KLF11: variants seen among roughly 807,000 people sequenced by gnomAD.
KLF11 encodes the protein KLF transcription factor 11.
Under a neutral mutation model 29.9 loss-of-function variants are expected in KLF11, and 26 were observed. The observed-to-expected ratio is 0.87, with a 90% CI of 0.64 to 1.21. The LOEUF is 1.21. KLF11 is among the 50% of genes most tolerant of loss of function. KLF11 has a pLI of 0.00. For missense variants in KLF11, 778 were observed against 665.7 expected (o/e 1.17, Z -1.86); for synonymous variants, 318 against 257.4 (o/e 1.24, Z -2.25).
Position 10,048,345 on chromosome 2 carries a change from G to A in KLF11, c.1008G>A (p.Gln336=), listed in dbSNP as rs1428386222. ...QPVFVGPAVP[Q]GAVMLVLPQG... is the part of the protein sequence containing the mutation. ...TGTTCGTGGGACCTGCTGTGCCTCA[G>A]GGAGCTGTGATGTTGGTCCTGCCCC... Residue 336 remains glutamine (Q), a synonymous_variant, in exon 3 of 4, where the codon CAG becomes CAA. Coordinates refer to ENST00000305883, the MANE Select transcript of KLF11 (RefSeq NM_003597.5). 6.2e-7 allele frequency: 1 copy of A among 1,607,004 alleles called. No homozygotes were observed. Among genetic ancestry groups the A allele is most frequent in the Non-Finnish European group, 8.5e-7 (1 of 1,175,252 alleles).
intron 1 of KLF11, 126 bp from the exon 2 acceptor site, chr2:10,046,024 C>G (rs182632864): frequency 9.2e-7 from 1 of 1,087,134 alleles, no homozygotes; most frequent in Non-Finnish European, 1.4e-6. Flanking sequence ...GTGTTTGTTG[C>G]TATAGACTAT....
Position 10,046,427 on chromosome 2 carries a change from G to A in KLF11, c.312+8G>A, listed in dbSNP as rs961567546. On this transcript the variant is annotated splice_region_variant and intron_variant, in intron 2 of 3. Coordinates refer to ENST00000305883, the MANE Select transcript of KLF11 (RefSeq NM_003597.5). ...CATTCTTTATCGACTCTGGTAAGAG[G>A]AGGTGGGAGGGAGGAGCGTTTTTGT... The A allele has an allele frequency of 8.1e-6, 13 of 1,613,430 alleles. No homozygotes were observed. The highest frequency in any genetic ancestry group is 1.1e-5 in the South Asian group (1 of 91,076).
chr2:10,047,412 G>A (rs1339555772), intron 2 of KLF11, among the ~76,000 whole-genome samples: 2 of 152,220 alleles, frequency 1.3e-5, no homozygotes, highest in African/African-American at 4.8e-5. Context: ...TGGCGGCCAG[G>A]AGCTCCTCTC....
At chr2:10,044,512 G>C (rs995122968) in intron 1 of KLF11, 16 of 898,480 alleles carry the variant, frequency 1.8e-5, no homozygotes, top group Non-Finnish European at 4.0e-6. Flanking sequence ...CGCAGCCTGC[G>C]GGACAGAGGC....
chr2:10,046,035 T>C, intron 1 of KLF11, 115 bp from the exon 2 acceptor site: 1 of 1,144,800 alleles, frequency 8.7e-7, no homozygotes, highest in Middle Eastern at 2.8e-4. Flanking sequence ...TATAGACTAT[T>C]GCATGTGCAT....
At chr2:10,045,555 A>G (rs1228525593) in intron 1 of KLF11, among the ~76,000 whole-genome samples, 1 of 151,886 alleles carries the variant, frequency 6.6e-6, no homozygotes, top group Non-Finnish European at 1.5e-5. Context: ...GCTTCTTGTC[A>G]CCACCTGCTA....
At chr2:10,047,156 T>G (rs1661232780) in intron 2 of KLF11, among the ~76,000 whole-genome samples, 1 of 152,198 alleles carries the variant, frequency 6.6e-6, no homozygotes, top group Admixed American at 6.5e-5. Context: ...TTAATGTGAG[T>G]TCTGTGAGTT....
intron 3 of KLF11, 85 bp downstream of exon 3, chr2:10,048,680 G>C: frequency 9.7e-7 from 1 of 1,034,790 alleles, no homozygotes; most frequent in Non-Finnish European, 1.5e-6. Context: ...GCTGGGAGGG[G>C]ATCATGAGAA....
At position 10,046,382 on chromosome 2, in the gene KLF11, C is replaced by T. The variant is rs146264648; in HGVS notation, c.275C>T (p.Pro92Leu). ...ACTGTGCATATGGATGCAGCCACAC[C>T]TGAACTACCAAAAGACTTCCATTCT... ...TTTVHMDAATPELPKDFHSLS... is the reference protein window; with the variant it reads ...TTTVHMDAATLELPKDFHSLS... Residue 92 changes from proline (P) to leucine (L), a missense_variant, in exon 2 of 4, where the codon CCT becomes CTT. Physicochemically the swap from Pro to Leu is moderately conservative, Grantham distance 98 (BLOSUM62 -3). Transcript: ENST00000305883. The T allele has an allele frequency of 4.6e-5, 75 of 1,614,082 alleles. No individual in the cohort carries two copies. The highest frequency in any genetic ancestry group is 5.8e-5 in the Non-Finnish European group (69 of 1,180,052).
At position 10,051,678 on chromosome 2, in the gene KLF11, C is replaced by T. The variant is rs190224342; in HGVS notation, c.1259-549C>T. Among the ~76,000 whole-genome samples, 69 of 151,928 alleles carry T rather than the reference C, an allele frequency of 4.5e-4. 1 individual carries two copies. Among genetic ancestry groups the T allele is most frequent in the African/African-American group, 1.5e-3 (62 of 41,432 alleles). ...GACTACAGGTGCCCGCCACCACACC[C>T]GGCTAGTTTTTTGTATTTTTAGTAG... On this transcript the variant is annotated intron_variant, in intron 3 of 3. Coordinates refer to ENST00000305883, the MANE Select transcript of KLF11 (RefSeq NM_003597.5).
rs1661057313 is a variant in KLF11 at position 10,043,581 on chromosome 2, C to T, written c.-136C>T. On this transcript the variant is annotated 5_prime_UTR_variant, in exon 1 of 4. Coordinates refer to ENST00000305883, the MANE Select transcript of KLF11 (RefSeq NM_003597.5). ...AGGGCCGCGCCGGGGCAGAGCCGCG[C>T]GGGCGGGCGAGGCGCGTGCCGGCCG... 2.2e-6 allele frequency: 1 copy of T among 461,640 alleles called. No homozygotes were observed. Among genetic ancestry groups the T allele is most frequent in the Non-Finnish European group, 2.8e-6 (1 of 354,394 alleles). The allele number at this position is 461,640 out of a possible 1,614,324, so 28.6% of individuals were successfully genotyped here. A position where few individuals can be genotyped will look rare whatever the true frequency, so the allele number is the denominator to read the frequency against.
chr2:10,051,831 T>C (rs72786610), intron 3 of KLF11, among the ~76,000 whole-genome samples: 12,006 of 152,296 alleles, frequency 0.079, 574 homozygotes, highest in Middle Eastern at 0.21. Flanking sequence ...GCTACATTTT[T>C]AATTAATTTA....
intron 1 of KLF11, chr2:10,044,351 C>G (rs1332638506): frequency 3.3e-5 from 33 of 985,510 alleles, no homozygotes; most frequent in Non-Finnish European, 3.1e-5. Context: ...CTAAGCGTCG[C>G]GACCTGGGGG....
Position 10,043,608 on chromosome 2 carries a change from A to T in KLF11, c.-109A>T. Reference sequence around the variant, plus strand: ...GGCGGGCGAGGCGCGTGCCGGCCGCAGGAGCTCCGGGTTGCCGCCGCCGCC... The same window carrying T: ...GGCGGGCGAGGCGCGTGCCGGCCGCTGGAGCTCCGGGTTGCCGCCGCCGCC... On this transcript the variant is annotated 5_prime_UTR_variant, in exon 1 of 4. Transcript: ENST00000305883. 3 of 698,668 alleles carry T rather than the reference A, an allele frequency of 4.3e-6. No homozygotes were observed. Among genetic ancestry groups the T allele is most frequent in the Non-Finnish European group, 3.5e-6 (2 of 572,760 alleles). The allele number at this position is 698,668 out of a possible 1,614,324, so 43.3% of individuals were successfully genotyped here.
chr2:10,052,605 G>A lies in KLF11; in HGVS notation c.*98G>A, dbSNP rs1421296910. ...TCCCACTGCCTCACCCAAAAAAAACGGTCTTGGCGGCCTAGGGGAAGATCG... is the reference window on the plus strand; with the variant it reads ...TCCCACTGCCTCACCCAAAAAAAACAGTCTTGGCGGCCTAGGGGAAGATCG... On this transcript the variant is annotated 3_prime_UTR_variant, in exon 4 of 4. Transcript: ENST00000305883. 2 of 1,328,582 alleles carry A rather than the reference G, an allele frequency of 1.5e-6. No homozygotes were observed. The highest frequency in any genetic ancestry group is 1.1e-6 in the Non-Finnish European group (1 of 948,050). The allele number at this position is 1,328,582 out of a possible 1,614,324, so 82.3% of individuals were successfully genotyped here.
At chr2:10,046,779 C>A (rs1024485572) in intron 2 of KLF11, among the ~76,000 whole-genome samples, 1 of 152,040 alleles carries the variant, frequency 6.6e-6, no homozygotes, top group African/African-American at 2.4e-5. Flanking sequence ...CGCTTGAACC[C>A]GGGAGGCGGA....
At chr2:10,048,696 G>A (rs1558349047) in intron 3 of KLF11, 101 bp downstream of exon 3, 1 of 872,236 alleles carries the variant, frequency 1.1e-6, no homozygotes, top group East Asian at 2.5e-5. Flanking sequence ...GAGAACCCCT[G>A]GCGAAGGTGG....
In KLF11 at chr2:10,043,990, G is replaced by A. The variant is rs1558344516; in HGVS notation, c.42+232G>A. ...GGGGGCGTGTTCCCCGCGCAGCTTT[G>A]TCTTGCGCTTCCTGGGCGGCCCCGC... On this transcript the variant is annotated intron_variant, in intron 1 of 3. Coordinates refer to ENST00000305883, the MANE Select transcript of KLF11 (RefSeq NM_003597.5). 4 of 837,670 alleles carry A rather than the reference G, an allele frequency of 4.8e-6. No homozygotes were observed. The African/African-American group carries it at 5.5e-5, about 12-fold the overall frequency. The allele number at this position is 837,670 out of a possible 1,614,324, so 51.9% of individuals were successfully genotyped here.
In KLF11 at chr2:10,054,252, A is replaced by T. The variant is rs1293313528; in HGVS notation, c.*1745A>T. 6.6e-6 allele frequency: 1 copy of T among 152,180 alleles called. No homozygotes were observed. Among genetic ancestry groups the T allele is most frequent in the Admixed American group, 6.5e-5 (1 of 15,276 alleles). 9.4% of individuals were successfully genotyped at this position (152,180 alleles called of 1,614,324 possible). A position where few individuals can be genotyped will look rare whatever the true frequency, so the allele number is the denominator to read the frequency against. On this transcript the variant is annotated 3_prime_UTR_variant, in exon 4 of 4. Transcript: ENST00000305883. ...CTCCTGCTCATCAAAATCAGCATAC[A>T]CATTTTTGACTGTACACACTATAAA... is the stretch of plus-strand genomic sequence containing the variant.
Sources: allele counts gnomAD v4.1 joint callset (sites outside exome capture counted in the v4.1 genomes callset), GRCh38; gene constraint gnomAD v4.1.1; transcripts MANE v1.5; gene names NCBI Gene and HGNC (gene_info 2026-07-23, HGNC 2026-07-21).